Variants in MAEL observed in about 807,000 individuals in gnomAD.
MAEL encodes the protein maelstrom spermatogenic transposon silencer, also known as protein maelstrom homolog.
MAEL carries 46 observed loss-of-function variants against 62.0 expected under a neutral mutation model. The observed-to-expected ratio is 0.74, with a 90% CI of 0.59 to 0.95. MAEL has a LOEUF of 0.95. Among genes scored for constraint, MAEL ranks in the 40% least tolerant of loss-of-function variants. The pLI is 0.00. For synonymous variants in MAEL, 172 were observed against 175.5 expected (o/e 0.98, Z 0.16); for missense variants, 497 against 526.8 (o/e 0.94, Z 0.55).
At position 166,989,447 on chromosome 1, in the gene MAEL, T is replaced by G. The variant is rs907739850; in HGVS notation, c.95T>G (p.Val32Gly). 2 of 1,589,684 alleles carry G rather than the reference T, an allele frequency of 1.3e-6. No homozygotes were observed. Among genetic ancestry groups the G allele is most frequent in the African/African-American group, 2.7e-5 (2 of 74,596 alleles). The change falls in exon 1 of 12, where the codon GTT (valine) becomes GGT (glycine). Residue 32 changes from valine (V) to glycine (G), a missense_variant. Val to Gly is a moderately radical substitution (Grantham distance 109). Coordinates refer to ENST00000367872, the MANE Select transcript of MAEL (RefSeq NM_032858.3). ...LRRRGLPVAR[V>G]ADAIPYCSSD... ...CGACGAGGCCTGCCTGTGGCTCGCG[T>G]TGCTGATGCCATCCCTTACTGCTCC...
chr1:166,977,227 C>T (rs1663619617), intron 1 of MAEL, among the ~76,000 whole-genome samples: 1 of 152,224 alleles, frequency 6.6e-6, no homozygotes, highest in African/African-American at 2.4e-5. Context: ...AATATCCTTT[C>T]ATAAACTCTT....
intron 1 of MAEL, among the ~76,000 whole-genome samples, chr1:166,980,644 C>A (rs1663733185): frequency 6.6e-6 from 1 of 152,298 alleles, no homozygotes; most frequent in Non-Finnish European, 1.5e-5. Flanking sequence ...AGTTACAGAG[C>A]CAGAGATGAA....
At chr1:166,975,691 C>A (rs393025) in intron 1 of MAEL, 56,041 of 151,494 alleles carry the variant, frequency 0.37, 10,748 homozygotes, top group Middle Eastern at 0.52. Context: ...ATTGAGGCCA[C>A]GCGGAGAGAG....
Position 166,989,330 on chromosome 1 carries a change from C to T in MAEL, c.-23C>T, listed in dbSNP as rs1340501192. The stretch of plus-strand genomic sequence containing the variant: ...CGCCGGTGCTTTGTTCTGTCTGAGG[C>T]CAGGAAGTTTGACCGCGCTGCCATG... On this transcript the variant is annotated 5_prime_UTR_variant, in exon 1 of 12. Coordinates refer to ENST00000367872, the MANE Select transcript of MAEL (RefSeq NM_032858.3). The T allele has an allele frequency of 5.6e-6, 9 of 1,604,380 alleles. No homozygotes were observed. The East Asian group carries it at 1.3e-4, about 24-fold the overall frequency.
chr1:167,005,241 A>T lies in MAEL; in HGVS notation c.704-15A>T. On this transcript the variant is annotated splice_polypyrimidine_tract_variant and intron_variant, in intron 7 of 11. Coordinates refer to ENST00000367872, the MANE Select transcript of MAEL (RefSeq NM_032858.3). The stretch of plus-strand genomic sequence containing the variant: ...ATTTACTAATTGTATGTGTTTTTCC[A>T]TTTACTAATGGAAGAAATCAGGCAA... The T allele has an allele frequency of 6.2e-7, 1 of 1,611,420 alleles. No individual in the cohort carries two copies. The highest frequency in any genetic ancestry group is 2.2e-5 in the East Asian group (1 of 44,834).
intron 3 of MAEL, 141 bp downstream of exon 3, chr1:166,991,618 A>G: frequency 1.8e-6 from 1 of 544,464 alleles, no homozygotes; most frequent in Non-Finnish European, 3.3e-6. Context: ...TGGTACTGAC[A>G]TTATAAAAGA....
At chr1:167,012,646 G>A (rs1161526744) in intron 8 of MAEL, 1 of 152,228 alleles carries the variant, frequency 6.6e-6, no homozygotes, top group Non-Finnish European at 1.5e-5. Context: ...AAGACACTCT[G>A]ACAGAGAAGA....
intron 8 of MAEL, among the ~76,000 whole-genome samples, chr1:167,013,814 T>G (rs1004022024): frequency 3.3e-5 from 5 of 152,230 alleles, no homozygotes; most frequent in African/African-American, 7.2e-5. Context: ...GATGTTTAGT[T>G]GGAGGCAAAA....
chr1:166,987,155 A>C (rs1663946109), upstream of MAEL, among the ~76,000 whole-genome samples: 1 of 152,122 alleles, frequency 6.6e-6, no homozygotes, highest in Non-Finnish European at 1.5e-5. Flanking sequence ...CATTTCTGAC[A>C]ACCCAGAAGG....
intron 1 of MAEL, among the ~76,000 whole-genome samples, chr1:166,979,438 ACT>A (rs1179430698): frequency 1.3e-5 from 2 of 152,096 alleles, no homozygotes; most frequent in Non-Finnish European, 2.9e-5. Context: ...AAAACTGGAG[ACT>A]CTAGGCACCG....
chr1:167,006,601 C>CTATATATATATATATATATA (rs200881169), intron 8 of MAEL, among the ~76,000 whole-genome samples: 3 of 98,082 alleles, frequency 3.1e-5, no homozygotes, highest in African/African-American at 1.0e-4. Context: ...TGGTTTTTTA[C>CTATATATATATATATATATA]TATATATATA....
intron 8 of MAEL, among the ~76,000 whole-genome samples, chr1:167,009,522 T>C (rs1665076102): frequency 6.6e-6 from 1 of 152,086 alleles, no homozygotes; most frequent in African/African-American, 2.4e-5. Flanking sequence ...TGAGTTTATA[T>C]GCAGGTCCAT....
At chr1:166,991,735 C>T (rs989169883) in intron 3 of MAEL, among the ~76,000 whole-genome samples, 1 of 151,514 alleles carries the variant, frequency 6.6e-6, no homozygotes, top group Non-Finnish European at 1.5e-5. Context: ...ATTTTTTAGA[C>T]TTGTTTATAA....
chr1:166,981,063 G>A (rs1037618557), intron 1 of MAEL, among the ~76,000 whole-genome samples: 27 of 152,322 alleles, frequency 1.8e-4, no homozygotes, highest in Middle Eastern at 3.4e-3. Flanking sequence ...AGAATGAGAA[G>A]GCCAGAACAT....
intron 5 of MAEL, among the ~76,000 whole-genome samples, chr1:167,002,841 C>T (rs1375770079): frequency 1.3e-5 from 2 of 152,122 alleles, no homozygotes. Context: ...TTCTTACCAG[C>T]TCTGAGTTTA....
At chr1:166,997,474 T>A (rs945192369) in intron 5 of MAEL, among the ~76,000 whole-genome samples, 3 of 152,204 alleles carry the variant, frequency 2.0e-5, no homozygotes, top group Middle Eastern at 3.2e-3. Context: ...TGTTTTCAGT[T>A]TGTGTCTTGT....
chr1:167,003,600 C>A (rs553818920), intron 5 of MAEL, among the ~76,000 whole-genome samples: 1 of 152,280 alleles, frequency 6.6e-6, no homozygotes, highest in East Asian at 1.9e-4. Context: ...GGCAAATGAT[C>A]CAGAGGAAAA....
At chr1:167,020,053 T>C (rs140638505) in intron 10 of MAEL, among the ~76,000 whole-genome samples, 5 of 152,184 alleles carry the variant, frequency 3.3e-5, no homozygotes, top group African/African-American at 1.2e-4. Context: ...CATCTTCTAC[T>C]ACCCCTGTGC....
rs753766235 is a variant in MAEL, at chr1:167,005,291, G to A, written c.739G>A (p.Asp247Asn). The A allele has an allele frequency of 6.8e-6, 11 of 1,613,428 alleles. 1 individual carries two copies. In the South Asian group the frequency reaches 1.2e-4, roughly 18 times the overall value. The stretch of plus-strand genomic sequence containing the variant: ...AGATCTACAACTTCTCACTGTAGAG[G>A]ACCTTGTAGTGGGGATCTACCAACA... ...RQDLQLLTVEDLVVGIYQQKF... is the reference protein window; with the variant it reads ...RQDLQLLTVENLVVGIYQQKF... Residue 247 changes from aspartate to asparagine, a missense_variant, in exon 8 of 12, where the codon GAC becomes AAC. By Grantham distance (23) the Asp-to-Asn change is conservative. Transcript: ENST00000367872.
Sources: gnomAD v4.1 joint callset for allele counts (sites outside exome capture counted in the v4.1 genomes callset) on GRCh38, gnomAD v4.1.1 for gene constraint, MANE v1.5 for transcripts, NCBI Gene and HGNC (gene_info 2026-07-23, HGNC 2026-07-21) for gene names.